The following SMARCE1 variants were observed in gnomAD, a reference collection of about 807,000 sequenced individuals.
SMARCE1 encodes SWI/SNF-related matrix-associated actin-dependent regulator of chromatin subfamily E member 1.
A neutral mutation model predicts 54.9 loss-of-function variants in SMARCE1; 13 were observed. The ratio of observed to expected loss-of-function variants is 0.24; its 90% CI spans 0.15 to 0.38. SMARCE1 has a LOEUF of 0.38. SMARCE1 is among the 10% of genes least tolerant of loss of function. The pLI is 1.00. For synonymous variants in SMARCE1, 151 were observed against 175.3 expected (o/e 0.86, Z 1.10); for missense variants, 295 against 523.8 (o/e 0.56, Z 4.26).
intron 7 of SMARCE1, 89 bp from the exon 8 acceptor site, chr17:40,632,456 ATGGCCCTCAC>A: frequency 8.6e-7 from 1 of 1,166,372 alleles, no homozygotes; most frequent in Non-Finnish European, 1.2e-6. Flanking sequence ...CCAACGAACT[ATGGCCCTCAC>A]TGGCCTAACA....
chr17:40,631,018 C>CTATA (rs578072743), intron 9 of SMARCE1, 94 bp from the exon 10 acceptor site: 3 of 885,666 alleles, frequency 3.4e-6, no homozygotes, highest in African/African-American at 3.4e-5. Flanking sequence ...TGCCTATAAA[C>CTATA]TATATATATA....
intron 1 of SMARCE1, chr17:40,647,444 A>G (rs1255487105): frequency 6.5e-6 from 1 of 153,062 alleles, no homozygotes; most frequent in East Asian, 1.9e-4. Flanking sequence ...TGGGGGGTGA[A>G]CCACGGACCT....
intron 8 of SMARCE1, 49 bp from the exon 9 acceptor site, chr17:40,631,742 CCATA>C: frequency 9.8e-7 from 1 of 1,018,086 alleles, no homozygotes; most frequent in Non-Finnish European, 1.6e-6. Context: ...TTTTAATGGT[CCATA>C]CTTTCAAACA....
Position 40,631,531 on chromosome 17 carries a change from T to TGG in SMARCE1, c.816+60_816+61insCC, listed in dbSNP as rs1032327851. On this transcript the variant is annotated intron_variant, in intron 9 of 10. Coordinates refer to ENST00000348513, the MANE Select transcript of SMARCE1 (RefSeq NM_003079.5). ...AAAAACACTATTTTGGAAAAAAGAATGAGGAAAAATAAAGTAACAGGTATA... is the reference window on the plus strand; with the variant it reads ...AAAAACACTATTTTGGAAAAAAGAATGGGAGGAAAAATAAAGTAACAGGTATA... 9 of 859,874 alleles carry TGG rather than the reference T, an allele frequency of 1.0e-5. No individual in the cohort carries two copies. The African/African-American group carries it at 1.5e-4, about 14-fold the overall frequency. 53.3% of individuals were successfully genotyped at this position (859,874 alleles called of 1,614,324 possible).
At chr17:40,631,206 G>T in intron 9 of SMARCE1, 1 of 348,554 alleles carries the variant, frequency 2.9e-6, no homozygotes, top group South Asian at 7.3e-5. Context: ...TAAGGCTTCC[G>T]TTTTACATTT....
Position 40,631,178 on chromosome 17 carries a change from A to G in SMARCE1, c.817-254T>C, listed in dbSNP as rs1226270154. ...GAGCAGCTGGTGAGGCAAAATAGTG[A>G]AAGTTCTGGGGTATACATAAGGCTT... On this transcript the variant is annotated intron_variant, in intron 9 of 10. Transcript: ENST00000348513. 2.0e-5 allele frequency: 8 copies of G among 409,650 alleles called. No individual in the cohort carries two copies. In the Admixed American group the frequency reaches 2.8e-4, roughly 14 times the overall value. 25.4% of individuals were successfully genotyped at this position (409,650 alleles called of 1,614,324 possible). A position where few individuals can be genotyped will look rare whatever the true frequency, so the allele number is the denominator to read the frequency against.
rs1160846742 is a variant in SMARCE1, at chr17:40,630,666, C to T, written c.1027+48G>A. ...AAAGAAAAACCTAAATTAAAGACAG[C>T]CGTACAAAGTCTTGGCACTGCCTCT... On this transcript the variant is annotated intron_variant, in intron 10 of 10. Coordinates refer to ENST00000348513, the MANE Select transcript of SMARCE1 (RefSeq NM_003079.5). The T allele has an allele frequency of 2.7e-6, 4 of 1,470,662 alleles. No homozygotes were observed. The South Asian group carries it at 3.4e-5, about 13-fold the overall frequency. 91.1% of individuals were successfully genotyped at this position (1,470,662 alleles called of 1,614,324 possible).
chr17:40,640,176 C>T (rs1567848312), intron 4 of SMARCE1: 1 of 152,146 alleles, frequency 6.6e-6, no homozygotes, highest in Admixed American at 6.5e-5. Context: ...CTAGCAAGAA[C>T]TTATTTAAGA....
intron 4 of SMARCE1, among the ~76,000 whole-genome samples, chr17:40,639,309 A>G (rs767553285): frequency 4.6e-5 from 7 of 152,192 alleles, no homozygotes; most frequent in Non-Finnish European, 8.8e-5. Context: ...GTTACTAGAA[A>G]GTATTTCCAA....
In SMARCE1 at chr17:40,642,378, C is replaced by T; in HGVS notation, c.156+77G>A. 1 of 963,578 alleles carries T rather than the reference C, an allele frequency of 1.0e-6. No individual in the cohort carries two copies. Among genetic ancestry groups the T allele is most frequent in the Non-Finnish European group, 1.7e-6 (1 of 586,428 alleles). The allele number at this position is 963,578 out of a possible 1,614,324, so 59.7% of individuals were successfully genotyped here. A position where few individuals can be genotyped will look rare whatever the true frequency, so the allele number is the denominator to read the frequency against. ...TTTTTAAATGGCTGTGCTTATGATT[C>T]AAAAAGACCTAATTCTGAAGGCATT... On this transcript the variant is annotated intron_variant, in intron 4 of 10. Coordinates refer to ENST00000348513, the MANE Select transcript of SMARCE1 (RefSeq NM_003079.5). The surrounding 1 kb of genome is among the most constrained non-coding windows in gnomAD (Gnocchi z 4.6).
intron 7 of SMARCE1, chr17:40,635,158 A>T (rs2037133569): frequency 6.6e-6 from 1 of 151,128 alleles, no homozygotes. Context: ...TTAAGATGGG[A>T]TCTTAAATCA....
At chr17:40,641,908 T>C (rs2037203588) in intron 4 of SMARCE1, 1 of 156,746 alleles carries the variant, frequency 6.4e-6, no homozygotes, top group Non-Finnish European at 1.4e-5. Flanking sequence ...ACTCTGCATT[T>C]CTTTGAGGTG....
At chr17:40,646,806 A>G (rs2037261852) in intron 1 of SMARCE1, among the ~76,000 whole-genome samples, 1 of 152,182 alleles carries the variant, frequency 6.6e-6, no homozygotes, top group South Asian at 2.1e-4. Context: ...AATAGATCTG[A>G]TTTTTCGCTT....
At position 40,642,696 on chromosome 17, in the gene SMARCE1, C is replaced by CT. The variant is rs1424916111; in HGVS notation, c.52-138dup. On this transcript the variant is annotated intron_variant, in intron 3 of 10. Transcript: ENST00000348513. This position sits in a 1 kb window ranked among gnomAD's most constrained non-coding sequence, Gnocchi z 4.6. The stretch of plus-strand genomic sequence containing the variant: ...CAAGCAATGATGTGTTGTAATTGTT[C>CT]TTTTTTTCCACTGAGGAAATTAAAT... 14 of 588,784 alleles carry CT rather than the reference C, an allele frequency of 2.4e-5. No homozygotes were observed. Among genetic ancestry groups the CT allele is most frequent in the African/African-American group, 5.7e-5 (3 of 52,774 alleles). 36.5% of individuals were successfully genotyped at this position (588,784 alleles called of 1,614,324 possible). A position where few individuals can be genotyped will look rare whatever the true frequency, so the allele number is the denominator to read the frequency against.
chr17:40,635,870 G>A (rs764539561), intron 7 of SMARCE1, 61 bp downstream of exon 7: 15 of 1,210,756 alleles, frequency 1.2e-5, no homozygotes, highest in Admixed American at 2.7e-5. Context: ...ATACTTAAGA[G>A]ATTTCTCATA....
rs2143996401 is a variant in SMARCE1, at chr17:40,636,049, A to G, written c.423T>C (p.Ala141=). The G allele has an allele frequency of 6.2e-7, 1 of 1,613,724 alleles. No individual in the cohort carries two copies. Among genetic ancestry groups the G allele is most frequent in the Non-Finnish European group, 8.5e-7 (1 of 1,179,796 alleles). Residue 141 remains alanine (A), a synonymous_variant, in exon 7 of 11, where the codon GCT becomes GCC. Transcript: ENST00000348513. ...CTGCACGACTTTTTGCATTTATGTA[A>G]GCAAGGTACGCGGGGGAATTATGAT... is the stretch of plus-strand genomic sequence containing the variant. ...KAYHNSPAYL[A]YINAKSRAEA... is the part of the protein sequence containing the mutation.
intron 10 of SMARCE1, chr17:40,630,341 T>C (rs916618545): frequency 2.6e-6 from 2 of 775,822 alleles, no homozygotes; most frequent in Non-Finnish European, 4.5e-6. Context: ...GCAGTTGTTG[T>C]TGCAACTACT....
At chr17:40,630,306 A>G (rs2037079410) in intron 10 of SMARCE1, 2 of 1,162,138 alleles carry the variant, frequency 1.7e-6, no homozygotes, top group South Asian at 2.6e-5. Context: ...GCCAGATAGA[A>G]AATATTTTAG....
At chr17:40,637,233 T>G in intron 5 of SMARCE1, 1 of 457,226 alleles carries the variant, frequency 2.2e-6, no homozygotes, top group Non-Finnish European at 4.0e-6. Context: ...TCATTAAATA[T>G]TCTCCAAAAG....
Sources: allele counts gnomAD v4.1 joint callset (sites outside exome capture counted in the v4.1 genomes callset), GRCh38; gene constraint gnomAD v4.1.1; non-coding constraint Gnocchi (gnomAD v3.1); transcripts MANE v1.5; gene names NCBI Gene and HGNC (gene_info 2026-07-23, HGNC 2026-07-21).